The following ERN1 variants were observed in gnomAD, a reference collection of about 807,000 sequenced individuals.
ERN1 encodes the protein serine/threonine-protein kinase/endoribonuclease IRE1.
A neutral mutation model predicts 113.1 loss-of-function variants in ERN1; 39 were observed. That is an observed-to-expected ratio of 0.34 (90% confidence interval 0.27 to 0.45). The LOEUF (loss-of-function observed/expected upper bound fraction) is 0.45. Ranked by LOEUF, ERN1 falls within the 20% of genes least tolerant of loss-of-function variation. The pLI is 1.00. For synonymous variants in ERN1, 507 were observed against 515.9 expected (o/e 0.98, Z 0.23); for missense variants, 976 against 1,274.8 (o/e 0.77, Z 3.57).
At chr17:64,121,079 T>G (rs753175049) in intron 1 of ERN1, among the ~76,000 whole-genome samples, 3 of 152,168 alleles carry the variant, frequency 2.0e-5, no homozygotes, top group Non-Finnish European at 4.4e-5. Flanking sequence ...GGCACCTTCC[T>G]TCCCCCCTTG....
chr17:64,102,254 C>T (rs968153191), intron 1 of ERN1, among the ~76,000 whole-genome samples: 1 of 152,164 alleles, frequency 6.6e-6, no homozygotes, highest in African/African-American at 2.4e-5. Flanking sequence ...CCATTGCACT[C>T]CAGCCTAGGC....
chr17:64,121,618 T>C (rs940599249), intron 1 of ERN1, among the ~76,000 whole-genome samples: 1 of 152,110 alleles, frequency 6.6e-6, no homozygotes. Flanking sequence ...GCCTCATGAG[T>C]AGCTGGGATT....
rs377205388 is a variant in ERN1, at chr17:64,066,901, C to T, written c.612G>A (p.Gly204=). 3 of 1,613,780 alleles carry T rather than the reference C, an allele frequency of 1.9e-6. No homozygotes were observed. Among genetic ancestry groups the T allele is most frequent in the African/African-American group, 1.3e-5 (1 of 74,914 alleles). ...KMSHFVSNGD[G]LVVTVDSESG... Reference sequence around the variant, plus strand: ...ATTCACTGTCCACAGTCACCACCAGCCCATCACCATTGGACACAAAGTGGG... The same window carrying T: ...ATTCACTGTCCACAGTCACCACCAGTCCATCACCATTGGACACAAAGTGGG... Residue 204 remains glycine, a synonymous_variant, in exon 8 of 22, where the codon GGG becomes GGA. Coordinates refer to ENST00000433197, the MANE Select transcript of ERN1 (RefSeq NM_001433.5).
At chr17:64,123,788 T>C (rs1459010969) in intron 1 of ERN1, among the ~76,000 whole-genome samples, 1 of 150,752 alleles carries the variant, frequency 6.6e-6, no homozygotes, top group Non-Finnish European at 1.5e-5. Flanking sequence ...AGTGAAAAAA[T>C]AAAAAAAAAT....
At chr17:64,110,139 T>C (rs946055482) in intron 1 of ERN1, among the ~76,000 whole-genome samples, 1 of 152,190 alleles carries the variant, frequency 6.6e-6, no homozygotes, top group Non-Finnish European at 1.5e-5. Context: ...GTCAAAGGTC[T>C]CAGCTTTAAC....
chr17:64,091,644 T>C (rs1914091460), intron 2 of ERN1, among the ~76,000 whole-genome samples: 1 of 152,124 alleles, frequency 6.6e-6, no homozygotes, highest in African/African-American at 2.4e-5. Context: ...TTGTCTAACA[T>C]TGCAGGCTGC....
chr17:64,056,012 A>C, intron 12 of ERN1, 64 bp from the exon 13 acceptor site: 1 of 1,484,730 alleles, frequency 6.7e-7, no homozygotes, highest in Non-Finnish European at 9.0e-7. Context: ...AGCAGCTGGG[A>C]AGGGACAGGT....
rs749907164 is a variant in ERN1, at chr17:64,054,482, C to T, written c.1764-43G>A. On this transcript the variant is annotated intron_variant, in intron 14 of 21. Coordinates refer to ENST00000433197, the MANE Select transcript of ERN1 (RefSeq NM_001433.5). This position sits in a 1 kb window ranked among gnomAD's most constrained non-coding sequence, Gnocchi z 4.9. ...GGAGTTGTGTCTGGGAAGCACGAGT[C>T]AGGCTGTGTAAATGAGGTGAGAACC... The T allele has an allele frequency of 9.8e-6, 15 of 1,525,690 alleles. No homozygotes were observed. The South Asian group carries it at 1.3e-4, about 14-fold the overall frequency. 94.5% of individuals were successfully genotyped at this position (1,525,690 alleles called of 1,614,324 possible). A position where few individuals can be genotyped will look rare whatever the true frequency, so the allele number is the denominator to read the frequency against.
intron 18 of ERN1, 93 bp downstream of exon 18, chr17:64,048,962 T>C: frequency 7.7e-7 from 1 of 1,294,662 alleles, no homozygotes; most frequent in Admixed American, 2.5e-5. Flanking sequence ...CACCACGGCC[T>C]CTGTGAGTGC....
chr17:64,045,145 G>C (rs1912470834), intron 20 of ERN1, among the ~76,000 whole-genome samples: 1 of 151,966 alleles, frequency 6.6e-6, no homozygotes, highest in African/African-American at 2.4e-5. Flanking sequence ...ACCACCTAGA[G>C]CACGACACCA....
intron 2 of ERN1, among the ~76,000 whole-genome samples, chr17:64,094,626 CTTTTT>C (rs58195537): frequency 7.3e-6 from 1 of 136,432 alleles, no homozygotes; most frequent in African/African-American, 2.7e-5. Flanking sequence ...CCCATCCTTT[CTTTTT>C]TTTTTTTTTT....
At chr17:64,117,044 G>A (rs767470509) in intron 1 of ERN1, among the ~76,000 whole-genome samples, 18 of 151,834 alleles carry the variant, frequency 1.2e-4, no homozygotes, top group African/African-American at 1.9e-4. Flanking sequence ...CCCGGGAGGC[G>A]GAGCTTGCAG....
At position 64,053,370 on chromosome 17, in the gene ERN1, T is replaced by C. The variant is rs188511906; in HGVS notation, c.1955A>G (p.Tyr652Cys). The C allele has an allele frequency of 7.0e-5, 112 of 1,602,586 alleles. No individual in the cohort carries two copies. In the Admixed American group the frequency reaches 7.2e-4, roughly 10 times the overall value. ...ATGCGCAAAGTCCTTCTGCTCCACATACTGCAAAAGACATGACAGCAAGGT... is the reference window on the plus strand; with the variant it reads ...ATGCGCAAAGTCCTTCTGCTCCACACACTGCAAAAGACATGACAGCAAGGT... ...IELCAATLQE[Y>C]VEQKDFAHLG... The change falls in exon 16 of 22, where the codon TAT becomes TGT. Residue 652 changes from tyrosine (Y) to cysteine (C), a missense_variant and splice_region_variant. Physicochemically the swap from Tyr to Cys is radical, Grantham distance 194 (BLOSUM62 -2). Around this residue, in one of 5 missense-constraint regions of ERN1, gnomAD observed 297 missense variants for 457.8 expected, o/e 0.65. Coordinates refer to ENST00000433197, the MANE Select transcript of ERN1 (RefSeq NM_001433.5).
Position 64,044,095 on chromosome 17 carries a change from G to A in ERN1, c.2827C>T (p.His943Tyr). 2.5e-6 allele frequency: 4 copies of A among 1,613,272 alleles called. No homozygotes were observed. The highest frequency in any genetic ancestry group is 2.5e-6 in the Non-Finnish European group (3 of 1,179,572). The change falls in exon 22 of 22, where the codon CAC (histidine) becomes TAC (tyrosine). Residue 943 changes from histidine (H) to tyrosine (Y), a missense_variant. His to Tyr is a moderately conservative substitution (Grantham distance 83). Coordinates refer to ENST00000433197, the MANE Select transcript of ERN1 (RefSeq NM_001433.5). This position sits in a 1 kb window ranked among gnomAD's most constrained non-coding sequence, Gnocchi z 4.1. ...FTSRFPHLLA[H>Y]TYRAMELCSH... ...CACAGCTCCATGGCCCGGTAGGTGT[G>A]TGCGAGGAGGTGGGGGAAGCGAGAT...
In ERN1 at chr17:64,063,546, C is replaced by T. The variant is rs926156904; in HGVS notation, c.1087+440G>A. Among the ~76,000 whole-genome samples the T allele has an allele frequency of 3.3e-5, 5 of 152,166 alleles. No individual in the cohort carries two copies. Among genetic ancestry groups the T allele is most frequent in the Admixed American group, 1.3e-4 (2 of 15,288 alleles). ...ATCCATCCTGGGATTTAATCCCTCC[C>T]GGGTCCTCAGCCCTCGCCTCTCCAA... is the stretch of plus-strand genomic sequence containing the variant. On this transcript the variant is annotated intron_variant, in intron 10 of 21. Transcript: ENST00000433197. The surrounding 1 kb of genome is among the most constrained non-coding windows in gnomAD (Gnocchi z 5.1).
chr17:64,108,491 T>C (rs1246806976), intron 1 of ERN1, among the ~76,000 whole-genome samples: 4 of 152,236 alleles, frequency 2.6e-5, no homozygotes, highest in East Asian at 3.9e-4. Context: ...TGGTATCAAA[T>C]CCCTAAGGTC....
intron 3 of ERN1, 96 bp downstream of exon 3, chr17:64,080,679 A>T: frequency 9.0e-7 from 1 of 1,108,112 alleles, no homozygotes; most frequent in Non-Finnish European, 1.3e-6. Context: ...CCTCAAACTT[A>T]CACATATATG....
intron 1 of ERN1, among the ~76,000 whole-genome samples, chr17:64,117,904 T>TG (rs1410704526): frequency 8.5e-5 from 13 of 152,336 alleles, no homozygotes; most frequent in Middle Eastern, 3.4e-3. Flanking sequence ...AGAAGTTCCA[T>TG]GAGGGCGGGG....
chr17:64,058,106 G>A (rs1444876819), intron 11 of ERN1, 113 bp from the exon 12 acceptor site: 1 of 825,236 alleles, frequency 1.2e-6, no homozygotes, highest in South Asian at 1.9e-5. Flanking sequence ...TACTGCAGGG[G>A]GTTTTATTTG....
Sources: gnomAD v4.1 joint callset for allele counts (sites outside exome capture counted in the v4.1 genomes callset) on GRCh38, gnomAD v4.1.1 for gene constraint, gnomAD v4.1.1 regional missense constraint, Gnocchi (gnomAD v3.1) non-coding constraint, MANE v1.5 for transcripts, NCBI Gene and HGNC (gene_info 2026-07-23, HGNC 2026-07-21) for gene names.